EVI2B: variants seen among roughly 807,000 people sequenced by gnomAD.
EVI2B encodes ecotropic viral integration site 2B, also known as protein EVI2B.
EVI2B carries 4 observed loss-of-function variants against 6.6 expected under a neutral mutation model. That is an observed-to-expected ratio of 0.61 (90% CI 0.30 to 1.39). The LOEUF (loss-of-function observed/expected upper bound fraction) is 1.39, where lower values mean the gene tolerates loss of function less well. EVI2B is among the 40% of genes most tolerant of loss of function. The pLI is 0.08. For synonymous variants in EVI2B, 181 were observed against 186.8 expected (o/e 0.97, Z 0.25); for missense variants, 484 against 516.6 (o/e 0.94, Z 0.61).
chr17:31,306,697 G>C (rs1174226903), intron 1 of EVI2B, among the ~76,000 whole-genome samples: 1 of 151,908 alleles, frequency 6.6e-6, no homozygotes, highest in Non-Finnish European at 1.5e-5. Flanking sequence ...ATCTGGTGGA[G>C]TAAATTCAAT....
intron 1 of EVI2B, among the ~76,000 whole-genome samples, chr17:31,306,892 GT>G (rs1167155373): frequency 6.6e-6 from 1 of 151,956 alleles, no homozygotes; most frequent in Non-Finnish European, 1.5e-5. Context: ...GCTCATTCCT[GT>G]AATCCCAGCA....
At position 31,304,046 on chromosome 17, in the gene EVI2B, C is replaced by G. The variant is rs984609667; in HGVS notation, c.*217G>C. 8 of 440,382 alleles carry G rather than the reference C, an allele frequency of 1.8e-5. No individual in the cohort carries two copies. The highest frequency in any genetic ancestry group is 2.8e-5 in the Non-Finnish European group (7 of 250,310). The allele number at this position is 440,382 out of a possible 1,614,324, so 27.3% of individuals were successfully genotyped here. A position where few individuals can be genotyped will look rare whatever the true frequency, so the allele number is the denominator to read the frequency against. The stretch of plus-strand genomic sequence containing the variant: ...ATTTACATATGTAAAATGTACTATA[C>G]TTTAAAGATAGGTACTATAATTAGT... On this transcript the variant is annotated 3_prime_UTR_variant, in exon 2 of 2. Transcript: ENST00000330927.
chr17:31,309,648 T>C (rs945429853), intron 1 of EVI2B, among the ~76,000 whole-genome samples: 9 of 152,368 alleles, frequency 5.9e-5, no homozygotes, highest in African/African-American at 9.6e-5. Context: ...TTTGTGACTT[T>C]GCTTAAAATA....
At chr17:31,308,299 C>T (rs2068780838) in intron 1 of EVI2B, among the ~76,000 whole-genome samples, 1 of 151,974 alleles carries the variant, frequency 6.6e-6, no homozygotes, top group South Asian at 2.1e-4. Flanking sequence ...CACTACCACA[C>T]CTGGCTAATT....
At chr17:31,312,376 T>G (rs2068899462) in intron 1 of EVI2B, among the ~76,000 whole-genome samples, 1 of 152,016 alleles carries the variant, frequency 6.6e-6, no homozygotes, top group South Asian at 2.1e-4. Context: ...CCAGGCGTGG[T>G]GGTGGGTGCC....
chr17:31,306,401 G>T (rs955065166), intron 1 of EVI2B, among the ~76,000 whole-genome samples: 2 of 151,712 alleles, frequency 1.3e-5, no homozygotes, highest in African/African-American at 2.4e-5. Flanking sequence ...TATATATATA[G>T]ATAGATAGAC....
chr17:31,310,651 G>C (rs2068848098), intron 1 of EVI2B, among the ~76,000 whole-genome samples: 1 of 150,552 alleles, frequency 6.6e-6, no homozygotes, highest in South Asian at 2.1e-4. Context: ...TTTTTTCCCT[G>C]ACACTATCCA....
At chr17:31,308,977 G>A (rs1475963476) in intron 1 of EVI2B, among the ~76,000 whole-genome samples, 4 of 152,168 alleles carry the variant, frequency 2.6e-5, no homozygotes, top group African/African-American at 4.8e-5. Flanking sequence ...CTTATCTAGA[G>A]CATATTATGT....
chr17:31,305,589 G>A lies in EVI2B; in HGVS notation c.21C>T (p.Ile7=). MDPKYF[I]LILFCGHLNN... ...TCAGGTGTCCACAAAACAAAATTAA[G>A]ATGAAATATTTGGGATCCATTTCAG... Residue 7 remains isoleucine, a synonymous_variant, in exon 2 of 2, where the codon ATC becomes ATT. Transcript: ENST00000330927. 1 of 1,612,918 alleles carries A rather than the reference G, an allele frequency of 6.2e-7. No individual in the cohort carries two copies. Among genetic ancestry groups the A allele is most frequent in the Non-Finnish European group, 8.5e-7 (1 of 1,179,518 alleles).
intron 1 of EVI2B, chr17:31,307,898 A>C: frequency 7.8e-7 from 1 of 1,289,268 alleles, no homozygotes. Flanking sequence ...TTTTCAGCAT[A>C]TCTAAACAGC....
Position 31,304,118 on chromosome 17 carries a change from A to G in EVI2B, c.*145T>C, listed in dbSNP as rs922835840. The G allele has an allele frequency of 6.6e-6, 5 of 757,968 alleles. No homozygotes were observed. The highest frequency in any genetic ancestry group is 1.0e-5 in the Non-Finnish European group (5 of 486,104). The allele number at this position is 757,968 out of a possible 1,614,324, so 47.0% of individuals were successfully genotyped here. On this transcript the variant is annotated 3_prime_UTR_variant, in exon 2 of 2. Coordinates refer to ENST00000330927, the MANE Select transcript of EVI2B (RefSeq NM_006495.4). ...CTTTTTTTAAAAAAAAGTTTCATCT[A>G]TGCACATAGGCTCTGAGCAGATTTC...
At chr17:31,308,683 T>C (rs2068794513) in intron 1 of EVI2B, among the ~76,000 whole-genome samples, 1 of 152,128 alleles carries the variant, frequency 6.6e-6, no homozygotes, top group Non-Finnish European at 1.5e-5. Flanking sequence ...CCTTTCTGGC[T>C]GCATATCTGA....
In EVI2B at chr17:31,305,216, G is replaced by A. The variant is rs766073949; in HGVS notation, c.394C>T (p.Arg132Cys). ...TTTGGTGGTTGTGTGGTAGAAGTACGGGCAGATGGTAGTTGTCTGGCAGAG... is the reference window on the plus strand; with the variant it reads ...TTTGGTGGTTGTGTGGTAGAAGTACAGGCAGATGGTAGTTGTCTGGCAGAG... The part of the protein sequence containing the change: ...FTSARQLPSA[R>C]TSTTQPPKSF... Residue 132 changes from arginine (R) to cysteine (C), a missense_variant, in exon 2 of 2, where the codon CGT (arginine) becomes TGT (cysteine). Arg to Cys is a radical substitution (Grantham distance 180). Transcript: ENST00000330927. 2.2e-5 allele frequency: 35 copies of A among 1,614,012 alleles called. No homozygotes were observed. The highest frequency in any genetic ancestry group is 1.1e-4 in the African/African-American group (8 of 74,898).
chr17:31,304,452 A>G lies in EVI2B; in HGVS notation c.1158T>C (p.Asp386=). Residue 386 remains aspartate (D), a synonymous_variant, in exon 2 of 2, where the codon GAT becomes GAC. Coordinates refer to ENST00000330927, the MANE Select transcript of EVI2B (RefSeq NM_006495.4). ...SLDCLNQDCG[D]HKSEIIQSFP... ...ATGATTGTATTATCTCAGATTTATG[A>G]TCTCCACAGTCTTGATTGAGACAGT... 1 of 1,614,182 alleles carries G rather than the reference A, an allele frequency of 6.2e-7. No individual in the cohort carries two copies. The highest frequency in any genetic ancestry group is 8.5e-7 in the Non-Finnish European group (1 of 1,180,026).
chr17:31,307,985 T>A (rs1326851061), intron 1 of EVI2B: 5 of 1,194,560 alleles, frequency 4.2e-6, no homozygotes, highest in Non-Finnish European at 5.5e-6. Context: ...AAAAGATATG[T>A]GATTTTTTTC....
chr17:31,305,768 T>A, intron 1 of EVI2B, 138 bp from the exon 2 acceptor site: 2 of 736,904 alleles, frequency 2.7e-6, no homozygotes, highest in Non-Finnish European at 4.3e-6. Context: ...TTAGTAGTTA[T>A]TATTCCTAAT....
chr17:31,307,871 A>G lies in EVI2B; in HGVS notation c.-21-2241T>C, dbSNP rs1443277642. The stretch of plus-strand genomic sequence containing the variant: ...GATGTTCTGTTGGAAGGTGCAATAA[A>G]GGTTTTACAAATTACCTTTTCAGCA... On this transcript the variant is annotated intron_variant, in intron 1 of 1. Transcript: ENST00000330927. 3 of 1,287,542 alleles carry G rather than the reference A, an allele frequency of 2.3e-6. No homozygotes were observed. The South Asian group carries it at 3.7e-5, about 16-fold the overall frequency. The allele number at this position is 1,287,542 out of a possible 1,614,324, so 79.8% of individuals were successfully genotyped here.
chr17:31,313,991 C>T lies in EVI2B; in HGVS notation c.-34G>A, dbSNP rs2068958511. ...AAAATTTTCTTACCTCAGCTGTTAA[C>T]TTCTTTTGCAGAATGCTAAATTCTT... On this transcript the variant is annotated 5_prime_UTR_variant, in exon 1 of 2. Coordinates refer to ENST00000330927, the MANE Select transcript of EVI2B (RefSeq NM_006495.4). 2 of 397,950 alleles carry T rather than the reference C, an allele frequency of 5.0e-6. No individual in the cohort carries two copies. The highest frequency in any genetic ancestry group is 4.4e-5 in the Admixed American group (1 of 22,690). The allele number at this position is 397,950 out of a possible 1,614,324, so 24.7% of individuals were successfully genotyped here.
intron 1 of EVI2B, 23 bp from the exon 2 acceptor site, chr17:31,305,653 G>A (rs2068700186): frequency 6.4e-7 from 1 of 1,561,948 alleles, no homozygotes; most frequent in African/African-American, 1.4e-5. Context: ...TATAATGAAA[G>A]AGAAAGACAG....
Sources: allele counts gnomAD v4.1 joint callset (sites outside exome capture counted in the v4.1 genomes callset), GRCh38; gene constraint gnomAD v4.1.1; transcripts MANE v1.5; gene names NCBI Gene and HGNC (gene_info 2026-07-23, HGNC 2026-07-21).